The following CLASP1 variants were observed in gnomAD, a reference collection of about 807,000 sequenced individuals.
The protein encoded by CLASP1 is CLIP-associating protein 1.
Under a neutral mutation model 192.3 loss-of-function variants are expected in CLASP1, and 38 were observed. That is an observed-to-expected ratio of 0.20 (90% CI 0.15 to 0.26). CLASP1 has a LOEUF of 0.26. Among genes scored for constraint, CLASP1 ranks in the 10% least tolerant of loss-of-function variants. The probability of loss-of-function intolerance (pLI) is 1.00; values close to 1 mark genes in which losing one functional copy is unlikely to be tolerated. For missense variants in CLASP1, 1,433 were observed against 1,932.5 expected, an observed-to-expected ratio of 0.74 and a Z score of 4.85; for synonymous variants, 691 against 712.8, an observed-to-expected ratio of 0.97 and a Z score of 0.49.
intron 21 of CLASP1, among the ~76,000 whole-genome samples, chr2:121,426,454 T>C (rs1363048970): frequency 1.3e-5 from 2 of 152,256 alleles, no homozygotes; most frequent in East Asian, 3.9e-4. Context: ...GAAAGACTAA[T>C]AATATTGAGA....
At chr2:121,426,008 G>A (rs935878382) in intron 21 of CLASP1, among the ~76,000 whole-genome samples, 2 of 152,116 alleles carry the variant, frequency 1.3e-5, no homozygotes, top group African/African-American at 4.8e-5. Context: ...TGTCAGGCAT[G>A]GTGGTACATG....
chr2:121,515,168 C>A (rs1031288975), intron 7 of CLASP1, among the ~76,000 whole-genome samples: 25 of 152,166 alleles, frequency 1.6e-4, no homozygotes, highest in African/African-American at 6.0e-4. Flanking sequence ...TCTGATGAGA[C>A]GCTGATCCCC....
At chr2:121,539,470 T>C (rs1330570657) in intron 2 of CLASP1, among the ~76,000 whole-genome samples, 1 of 152,164 alleles carries the variant, frequency 6.6e-6, no homozygotes, top group East Asian at 1.9e-4. Context: ...TTGACTCCTA[T>C]CTCACACCCT....
In CLASP1 at chr2:121,504,228, G is replaced by A. The variant is rs144142560; in HGVS notation, c.645-994C>T. On this transcript the variant is annotated intron_variant, in intron 7 of 39. Transcript: ENST00000263710. ...GCCTGGGCAACAAGAGCGAAACTCC[G>A]TCTCAAAAAAAAAAAAAGAAAGAAA... is the stretch of plus-strand genomic sequence containing the variant. Among the ~76,000 whole-genome samples, 116 of 130,850 alleles carry A rather than the reference G, an allele frequency of 8.9e-4. No homozygotes were observed. In the East Asian group the frequency reaches 0.024, roughly 27 times the overall value. 85.8% of individuals were successfully genotyped at this position (130,850 alleles called of 152,430 possible).
At chr2:121,604,147 T>C (rs977629297) in intron 2 of CLASP1, among the ~76,000 whole-genome samples, 2 of 152,224 alleles carry the variant, frequency 1.3e-5, no homozygotes, top group Non-Finnish European at 2.9e-5. Flanking sequence ...ACAAATTATA[T>C]TCATCAAAAT....
At chr2:121,406,467 C>A (rs550530725) in intron 25 of CLASP1, among the ~76,000 whole-genome samples, 23 of 152,302 alleles carry the variant, frequency 1.5e-4, no homozygotes, top group African/African-American at 5.5e-4. Context: ...CCATACTAAC[C>A]TGCAGAGTTG....
intron 22 of CLASP1, among the ~76,000 whole-genome samples, chr2:121,424,215 C>T (rs2080012311): frequency 6.6e-6 from 1 of 152,192 alleles, no homozygotes; most frequent in African/African-American, 2.4e-5. Flanking sequence ...ATTCGTCATA[C>T]TGTGTTACAT....
At chr2:121,593,626 C>CA (rs61315745) in intron 2 of CLASP1, among the ~76,000 whole-genome samples, 1,163 of 50,456 alleles carry the variant, frequency 0.023, 43 homozygotes, top group African/African-American at 0.053. Context: ...AACTCCGTCT[C>CA]AAAAAAAAAA....
chr2:121,531,873 AAAAAG>A (rs1349065973), intron 2 of CLASP1, among the ~76,000 whole-genome samples: 15 of 152,062 alleles, frequency 9.9e-5, no homozygotes, highest in African/African-American at 3.6e-4. Context: ...TCTCAAAAAA[AAAAAG>A]AAAAAGAAAT....
intron 8 of CLASP1, among the ~76,000 whole-genome samples, chr2:121,478,701 ACACCCCACACACACAAC>A (rs2092025735): frequency 1.2e-4 from 6 of 48,728 alleles, no homozygotes; most frequent in African/African-American, 2.2e-4. Flanking sequence ...ACACACAACC[ACACCCCACACACACAAC>A]CACACACACA....
At chr2:121,531,193 T>C (rs776035048) in intron 2 of CLASP1, among the ~76,000 whole-genome samples, 6 of 152,196 alleles carry the variant, frequency 3.9e-5, no homozygotes, top group Non-Finnish European at 7.3e-5. Context: ...CCTTTAACTT[T>C]ACGCCGATCA....
chr2:121,534,529 T>TTTG (rs879541344), intron 2 of CLASP1, among the ~76,000 whole-genome samples: 2 of 152,110 alleles, frequency 1.3e-5, no homozygotes, highest in Non-Finnish European at 2.9e-5. Flanking sequence ...AAAATTTTCT[T>TTTG]TTGTTGTTGT....
At chr2:121,458,767 A>T in intron 13 of CLASP1, 73 bp downstream of exon 13, 1 of 1,178,410 alleles carries the variant, frequency 8.5e-7, no homozygotes, top group Non-Finnish European at 1.1e-6. Flanking sequence ...TGTTAACAAA[A>T]ATGCCTCTAA....
intron 15 of CLASP1, 87 bp from the exon 16 acceptor site, chr2:121,451,077 G>A (rs1408313612): frequency 6.5e-6 from 6 of 920,808 alleles, no homozygotes; most frequent in Non-Finnish European, 1.0e-5. Flanking sequence ...ACTTCCAAAT[G>A]GCAACATGGA....
At chr2:121,605,818 T>C (rs749410829) in exon 2 of CLASP1, 13 of 1,613,918 alleles carry the variant, frequency 8.1e-6, no homozygotes, top group Non-Finnish European at 1.1e-5. Context: ...AGTCTATCAG[T>C]TCTTGGCCAA....
At chr2:121,426,699 G>C (rs1287012974) in intron 21 of CLASP1, among the ~76,000 whole-genome samples, 1 of 152,062 alleles carries the variant, frequency 6.6e-6, no homozygotes, top group East Asian at 1.9e-4. Context: ...CATTCTCTGA[G>C]AAGTATGCAA....
At chr2:121,493,854 C>T (rs1229021733) in intron 8 of CLASP1, among the ~76,000 whole-genome samples, 1 of 152,154 alleles carries the variant, frequency 6.6e-6, no homozygotes, top group Non-Finnish European at 1.5e-5. Context: ...AAGTGCTCAA[C>T]ATCATTGATT....
At chr2:121,346,462 CCT>C (rs1573540719) in intron 39 of CLASP1, among the ~76,000 whole-genome samples, 2 of 152,336 alleles carry the variant, frequency 1.3e-5, no homozygotes, top group African/African-American at 4.8e-5. Context: ...ATTTTCTTCC[CCT>C]GATTCCAGAC....
intron 2 of CLASP1, among the ~76,000 whole-genome samples, chr2:121,568,327 G>C (rs2059687470): frequency 6.6e-6 from 1 of 152,054 alleles, no homozygotes; most frequent in Non-Finnish European, 1.5e-5. Flanking sequence ...CACTGGACCA[G>C]AGAGGGGTGG....
Sources: allele counts gnomAD v4.1 joint callset (sites outside exome capture counted in the v4.1 genomes callset), GRCh38; gene constraint gnomAD v4.1.1; transcripts MANE v1.5; gene names NCBI Gene and HGNC (gene_info 2026-07-23, HGNC 2026-07-21).